Variants in POTEI observed in about 807,000 individuals in gnomAD.
POTEI encodes the protein POTE ankyrin domain family, member I.
In POTEI, 14 loss-of-function variants were observed where a neutral mutation model predicts 43.4. The ratio of observed to expected loss-of-function variants is 0.32; its 90% confidence interval spans 0.21 to 0.50. The LOEUF is 0.50. POTEI is among the 20% of genes least tolerant of loss of function. POTEI has a pLI of 0.98. For missense variants in POTEI, 235 were observed against 795.4 expected, an observed-to-expected ratio of 0.30 and a Z score of 8.47; for synonymous variants, 95 against 297.9, an observed-to-expected ratio of 0.32 and a Z score of 7.01.
chr2:130,477,171 T>TC (rs1301760635), intron 10 of POTEI, among the ~76,000 whole-genome samples: 2 of 151,360 alleles, frequency 1.3e-5, no homozygotes, highest in African/African-American at 4.9e-5. Flanking sequence ...TTTTTTTTTT[T>TC]TATGAACCAG....
chr2:130,498,112 C>T (rs4088156), intron 5 of POTEI, among the ~76,000 whole-genome samples: 1 of 92,814 alleles, frequency 1.1e-5, no homozygotes, highest in African/African-American at 3.5e-5. Flanking sequence ...TTCTACTGCC[C>T]AAGGTTCTAT....
chr2:130,505,018 G>T (rs866797894), intron 1 of POTEI, among the ~76,000 whole-genome samples: 28 of 143,734 alleles, frequency 1.9e-4, no homozygotes, highest in African/African-American at 7.0e-4. Flanking sequence ...TTACCCAGGT[G>T]TTAAGCCCAG....
intron 9 of POTEI, among the ~76,000 whole-genome samples, chr2:130,483,698 C>A (rs1683480037): frequency 6.9e-6 from 1 of 145,962 alleles, no homozygotes. Flanking sequence ...GGGTTCATGC[C>A]ATTCTCCTGC....
intron 10 of POTEI, among the ~76,000 whole-genome samples, chr2:130,478,663 G>A (rs1384005375): frequency 7.7e-6 from 1 of 129,082 alleles, no homozygotes; most frequent in African/African-American, 3.3e-5. Flanking sequence ...GCCTTCATAT[G>A]CTCCTTGCTC....
chr2:130,478,664 C>A (rs1683287313), intron 10 of POTEI, among the ~76,000 whole-genome samples: 1 of 128,606 alleles, frequency 7.8e-6, no homozygotes, highest in African/African-American at 3.4e-5. Context: ...CCTTCATATG[C>A]TCCTTGCTCT....
intron 8 of POTEI, among the ~76,000 whole-genome samples, chr2:130,488,644 G>A (rs1683653528): frequency 7.9e-6 from 1 of 126,958 alleles, no homozygotes. Context: ...TGCGGCTTCA[G>A]GAACAGAAAG....
chr2:130,506,535 G>A (rs1232271066), intron 1 of POTEI, among the ~76,000 whole-genome samples: 1 of 118,892 alleles, frequency 8.4e-6, no homozygotes, highest in Non-Finnish European at 1.8e-5. Flanking sequence ...TTGAGATGGA[G>A]TCTCACTCTA....
At chr2:130,478,888 A>G (rs1242421777) in intron 10 of POTEI, among the ~76,000 whole-genome samples, 2 of 44,106 alleles carry the variant, frequency 4.5e-5, no homozygotes, top group African/African-American at 1.8e-4. Context: ...CTGAGAATCA[A>G]ACTAGTAGGA....
chr2:130,483,757 G>A (rs1478369453), intron 9 of POTEI, among the ~76,000 whole-genome samples: 1 of 149,202 alleles, frequency 6.7e-6, no homozygotes, highest in Non-Finnish European at 1.5e-5. Context: ...ACCACACCCG[G>A]TTAATTTTTT....
rs866269265 is a variant in POTEI at position 130,505,012 on chromosome 2, C to T, written c.522-1118G>A. On this transcript the variant is annotated intron_variant, in intron 1 of 14. Transcript: ENST00000451531. ...TTGGTTGTACAGATTATTTCATTAC[C>T]CAGGTGTTAAGCCCAGTACCTGTTC... is the stretch of plus-strand genomic sequence containing the variant. 1.2e-3 allele frequency among the ~76,000 whole-genome samples: 170 copies of T among 142,052 alleles called. 3 individuals are homozygous for T. The highest frequency in any genetic ancestry group is 6.9e-3 in the Middle Eastern group (2 of 288). The allele number at this position is 142,052 out of a possible 152,430, so 93.2% of individuals were successfully genotyped here. A position where few individuals can be genotyped will look rare whatever the true frequency, so the allele number is the denominator to read the frequency against.
chr2:130,491,898 G>A (rs1683751301), intron 6 of POTEI, among the ~76,000 whole-genome samples: 1 of 45,292 alleles, frequency 2.2e-5, no homozygotes, highest in South Asian at 2.4e-3. Context: ...TGATCTGCCT[G>A]CTCCAGCCTC....
At chr2:130,483,372 TAAA>T (rs1307339663) in intron 9 of POTEI, among the ~76,000 whole-genome samples, 1 of 4,506 alleles carries the variant, frequency 2.2e-4, no homozygotes, top group African/African-American at 2.3e-4. Context: ...AAAAATAAAA[TAAA>T]ATAAAATAAA....
rs3877616 is a variant in POTEI at position 130,495,171 on chromosome 2, C to T, written c.1126+1381G>A. Among the ~76,000 whole-genome samples, 7 of 45,236 alleles carry T rather than the reference C, an allele frequency of 1.5e-4. 2 individuals are homozygous for T. Among genetic ancestry groups the T allele is most frequent in the Admixed American group, 3.1e-4 (1 of 3,260 alleles). 29.7% of individuals were successfully genotyped at this position (45,236 alleles called of 152,430 possible). ...TTACCTTAAATCATACCTACTTTTT[C>T]CCAAAACTTTCATTCCTCATATGTC... On this transcript the variant is annotated intron_variant, in intron 6 of 14. Coordinates refer to ENST00000451531, the MANE Select transcript of POTEI (RefSeq NM_001277406.2).
At chr2:130,482,692 A>G (rs1390450920) in intron 9 of POTEI, among the ~76,000 whole-genome samples, 5 of 149,590 alleles carry the variant, frequency 3.3e-5, no homozygotes, top group Non-Finnish European at 5.9e-5. Flanking sequence ...CTTCTAATTC[A>G]GGGCATCTCA....
chr2:130,508,916 G>A lies in POTEI; in HGVS notation c.320C>T (p.Pro107Leu), dbSNP rs749833497. ...GCTCTTGCCGCTCCCCCTGCAGCAGGGGAAGCAGTGGCAGCACCACTTGCC... is the reference window on the plus strand; with the variant it reads ...GCTCTTGCCGCTCCCCCTGCAGCAGAGGAAGCAGTGGCAGCACCACTTGCC... ...KMGKWCCHCF[P>L]CCRGSGKSNV... The change falls in exon 1 of 15, where the codon CCC (proline) becomes CTC (leucine). Residue 107 changes from proline to leucine, a missense_variant. Pro to Leu is a moderately conservative substitution (Grantham distance 98, BLOSUM62 -3). Coordinates refer to ENST00000451531, the MANE Select transcript of POTEI (RefSeq NM_001277406.2). The A allele has an allele frequency of 1.8e-5, 28 of 1,594,464 alleles. 1 individual carries two copies. The South Asian group carries it at 2.7e-4, about 15-fold the overall frequency.
intron 13 of POTEI, among the ~76,000 whole-genome samples, chr2:130,473,660 C>T (rs1418425758): frequency 4.3e-5 from 1 of 23,028 alleles, no homozygotes; most frequent in African/African-American, 4.7e-5. Context: ...AATAAATGTC[C>T]TTATACATAA....
intron 9 of POTEI, among the ~76,000 whole-genome samples, chr2:130,483,838 C>T (rs577868889): frequency 6.6e-6 from 1 of 150,694 alleles, no homozygotes; most frequent in Non-Finnish European, 1.5e-5. Context: ...GCCTCGGCCT[C>T]CCAAAGTGCT....
rs1257455073 is a variant in POTEI at position 130,495,504 on chromosome 2, A to G, written c.1126+1048T>C. ...TATTATGAGCACCTTAAAGATCAAA[A>G]CTACATCTATTCCATCTTTGTCTCC... is the stretch of plus-strand genomic sequence containing the variant. On this transcript the variant is annotated intron_variant, in intron 6 of 14. Transcript: ENST00000451531. Among the ~76,000 whole-genome samples the G allele has an allele frequency of 4.9e-5, 2 of 40,600 alleles. 1 individual carries two copies. Among genetic ancestry groups the G allele is most frequent in the African/African-American group, 1.3e-4 (2 of 15,394 alleles). 26.6% of individuals were successfully genotyped at this position (40,600 alleles called of 152,430 possible).
chr2:130,479,090 T>C (rs1389977871), intron 10 of POTEI, among the ~76,000 whole-genome samples: 4 of 130,736 alleles, frequency 3.1e-5, no homozygotes, highest in African/African-American at 9.0e-5. Flanking sequence ...TGGAAACCTG[T>C]ACATCATCTG....
Sources: gnomAD v4.1 joint callset for allele counts (sites outside exome capture counted in the v4.1 genomes callset) on GRCh38, gnomAD v4.1.1 for gene constraint, MANE v1.5 for transcripts, NCBI Gene and HGNC (gene_info 2026-07-23, HGNC 2026-07-21) for gene names.